The following NR3C2 variants were observed in gnomAD, a reference collection of about 807,000 sequenced individuals.
NR3C2 encodes the protein nuclear receptor subfamily 3 group C member 2.
NR3C2 carries 15 observed loss-of-function variants against 86.4 expected under a neutral mutation model. The ratio of observed to expected loss-of-function variants is 0.17; its 90% CI spans 0.12 to 0.27. The LOEUF is 0.27. Among genes scored for constraint, NR3C2 ranks in the 10% least tolerant of loss-of-function variants. The pLI is 1.00. For missense variants in NR3C2, 960 were observed against 1,195.6 expected (o/e 0.80, Z 2.91); for synonymous variants, 458 against 450.5 (o/e 1.02, Z -0.21).
chr4:148,179,005 T>C (rs1254445274), intron 4 of NR3C2, among the ~76,000 whole-genome samples: 1 of 150,552 alleles, frequency 6.6e-6, no homozygotes, highest in Non-Finnish European at 1.5e-5. Flanking sequence ...AAGCCTCTTA[T>C]ATCCTGAGTG....
chr4:148,370,518 G>C (rs1746364144), intron 2 of NR3C2, among the ~76,000 whole-genome samples: 1 of 152,102 alleles, frequency 6.6e-6, no homozygotes, highest in Non-Finnish European at 1.5e-5. Context: ...AATACTGTAT[G>C]TGCGTGTATT....
chr4:148,153,042 T>A (rs1372415530), intron 5 of NR3C2, among the ~76,000 whole-genome samples: 1 of 152,028 alleles, frequency 6.6e-6, no homozygotes, highest in Non-Finnish European at 1.5e-5. Flanking sequence ...TGTTCATGAG[T>A]TTGTGGTGCT....
chr4:148,409,701 TA>T (rs1324163535), intron 2 of NR3C2, among the ~76,000 whole-genome samples: 1 of 152,104 alleles, frequency 6.6e-6, no homozygotes, highest in Non-Finnish European at 1.5e-5. Context: ...AAAATGAAAA[TA>T]TATCCATATT....
intron 3 of NR3C2, among the ~76,000 whole-genome samples, chr4:148,242,649 T>C (rs1043025076): frequency 6.6e-6 from 1 of 152,240 alleles, no homozygotes; most frequent in African/African-American, 2.4e-5. Flanking sequence ...CTCATTCTTT[T>C]TCTCTAAAAT....
intron 6 of NR3C2, among the ~76,000 whole-genome samples, chr4:148,126,998 C>A (rs1732779122): frequency 6.6e-6 from 1 of 152,190 alleles, no homozygotes; most frequent in South Asian, 2.1e-4. Context: ...AGTCATACAA[C>A]TCTATTCAGT....
chr4:148,444,715 A>C (rs969105872), upstream of NR3C2: 1 of 985,180 alleles, frequency 1.0e-6, no homozygotes, highest in Non-Finnish European at 1.2e-6. Flanking sequence ...GTTACCCTAC[A>C]AGAGGCGGCG....
chr4:148,162,734 C>G (rs530181322), intron 4 of NR3C2, among the ~76,000 whole-genome samples: 1 of 152,290 alleles, frequency 6.6e-6, no homozygotes, highest in South Asian at 2.1e-4. Flanking sequence ...TTAGGAAGAG[C>G]TGCAGCAGTG....
chr4:148,178,961 C>T (rs138189490), intron 4 of NR3C2, among the ~76,000 whole-genome samples: 1 of 135,928 alleles, frequency 7.4e-6, no homozygotes, highest in Non-Finnish European at 1.6e-5. Flanking sequence ...AAAAAAACAA[C>T]AAAACAAAAC....
At chr4:148,126,144 A>G (rs1732734717) in intron 6 of NR3C2, among the ~76,000 whole-genome samples, 1 of 152,234 alleles carries the variant, frequency 6.6e-6, no homozygotes, top group African/African-American at 2.4e-5. Flanking sequence ...GCCTTTCAGC[A>G]TGCTGGCTTT....
At chr4:148,343,592 T>C (rs1453070447) in intron 2 of NR3C2, among the ~76,000 whole-genome samples, 1 of 152,084 alleles carries the variant, frequency 6.6e-6, no homozygotes, top group African/African-American at 2.4e-5. Flanking sequence ...AAGCCTGGAT[T>C]TCTCATTGTG....
chr4:148,106,830 C>T (rs1295478489), intron 8 of NR3C2, among the ~76,000 whole-genome samples: 1 of 152,136 alleles, frequency 6.6e-6, no homozygotes, highest in African/African-American at 2.4e-5. Context: ...AAACTGGACC[C>T]CTTCCTTACA....
In NR3C2 at chr4:148,142,050, A is replaced by G. The variant is rs186228201; in HGVS notation, c.2510+10419T>C. ...GGCTTGAGGGAGGGAGAAGGGAAGT[A>G]TTAGGAGCAAGGGCACAGCAGTAGA... On this transcript the variant is annotated intron_variant, in intron 6 of 8. Transcript: ENST00000358102. Among the ~76,000 whole-genome samples, 12 of 152,334 alleles carry G rather than the reference A, an allele frequency of 7.9e-5. No individual in the cohort carries two copies. The East Asian group carries it at 2.3e-3, about 29-fold the overall frequency.
intron 5 of NR3C2, 78 bp from the exon 6 acceptor site, chr4:148,152,691 C>T: frequency 1.5e-6 from 2 of 1,370,598 alleles, no homozygotes; most frequent in South Asian, 2.4e-5. Flanking sequence ...TTAAGTCAAC[C>T]CCAAACAGCC....
intron 2 of NR3C2, among the ~76,000 whole-genome samples, chr4:148,403,886 A>C (rs757482401): frequency 6.6e-6 from 1 of 152,098 alleles, no homozygotes; most frequent in Non-Finnish European, 1.5e-5. Flanking sequence ...TACTAGGAGA[A>C]CTTGGATACC....
chr4:148,235,051 T>C (rs1579049159), intron 3 of NR3C2, among the ~76,000 whole-genome samples: 1 of 152,092 alleles, frequency 6.6e-6, no homozygotes, highest in Non-Finnish European at 1.5e-5. Flanking sequence ...ATAAATCGCA[T>C]TTAAAATGAC....
intron 4 of NR3C2, among the ~76,000 whole-genome samples, chr4:148,188,238 TC>T (rs1215402019): frequency 6.6e-6 from 1 of 152,224 alleles, no homozygotes; most frequent in Middle Eastern, 3.2e-3. Flanking sequence ...ATTATTTTTT[TC>T]TAATTCTGCG....
At chr4:148,174,776 G>T (rs563064800) in intron 4 of NR3C2, among the ~76,000 whole-genome samples, 1 of 152,040 alleles carries the variant, frequency 6.6e-6, no homozygotes, top group Non-Finnish European at 1.5e-5. Flanking sequence ...TCTCCTCCTC[G>T]GTTTTCATCC....
chr4:148,247,679 C>T (rs906348020), intron 3 of NR3C2, among the ~76,000 whole-genome samples: 2 of 151,264 alleles, frequency 1.3e-5, no homozygotes, highest in African/African-American at 4.9e-5. Flanking sequence ...GGTGCCTAGT[C>T]CATAGTAAGC....
At chr4:148,092,631 C>T (rs919538195) in intron 8 of NR3C2, among the ~76,000 whole-genome samples, 2 of 152,184 alleles carry the variant, frequency 1.3e-5, no homozygotes. Flanking sequence ...AACTGGGCAA[C>T]CTAAATGAGC....
Sources: gnomAD v4.1 joint callset for allele counts (sites outside exome capture counted in the v4.1 genomes callset) on GRCh38, gnomAD v4.1.1 for gene constraint, MANE v1.5 for transcripts, NCBI Gene and HGNC (gene_info 2026-07-23, HGNC 2026-07-21) for gene names.